The following MASP1 variants were observed in gnomAD, a reference collection of about 807,000 sequenced individuals.
MASP1 encodes the protein mannan-binding lectin serine protease 1.
A neutral mutation model predicts 77.1 loss-of-function variants in MASP1; 59 were observed. That is an observed-to-expected ratio of 0.77 (90% confidence interval 0.62 to 0.95). MASP1 has a LOEUF of 0.95. Among genes scored for constraint, MASP1 ranks in the 40% least tolerant of loss-of-function variants. The pLI is 0.00. For synonymous variants in MASP1, 362 were observed against 354.5 expected (o/e 1.02, Z -0.24); for missense variants, 885 against 912.9 (o/e 0.97, Z 0.39).
rs147758911 is a variant in MASP1 at position 187,236,456 on chromosome 3, G to A, written c.1415C>T (p.Thr472Ile). ...PWQALIVVEDTSRVPNDKWFG... is the reference protein window; with the variant it reads ...PWQALIVVEDISRVPNDKWFG... ...CCACTTGTCATTTGGCACTCTCGAA[G>A]TGTCCTCCACCACTATCAGGGCCTG... The change falls in exon 11 of 11, where the codon ACT (threonine) becomes ATT (isoleucine). Residue 472 changes from threonine to isoleucine, a missense_variant. By Grantham distance (89) the Thr-to-Ile change is moderately conservative. Transcript: ENST00000296280. 3 of 1,614,182 alleles carry A rather than the reference G, an allele frequency of 1.9e-6. No individual in the cohort carries two copies. Among genetic ancestry groups the A allele is most frequent in the Non-Finnish European group, 2.5e-6 (3 of 1,180,038 alleles).
rs1186374518 is a variant in MASP1, at chr3:187,256,824, C to A, written c.584G>T (p.Gly195Val). The A allele has an allele frequency of 1.9e-6, 3 of 1,613,824 alleles. No individual in the cohort carries two copies. The African/African-American group carries it at 4.0e-5, about 22-fold the overall frequency. Residue 195 changes from glycine (G) to valine (V), a missense_variant, in exon 5 of 11, where the codon GGG becomes GTG. Gly to Val is a moderately radical substitution (Grantham distance 109, BLOSUM62 -3). Transcript: ENST00000296280. ...TGGGAAGTCAGGGCTGGTGATCACCCCAGTCCTTTGAGTGAAGAGGTTGTC... is the reference window on the plus strand; with the variant it reads ...TGGGAAGTCAGGGCTGGTGATCACCACAGTCCTTTGAGTGAAGAGGTTGTC... ...CSDNLFTQRTGVITSPDFPNP... is the reference protein window; with the variant it reads ...CSDNLFTQRTVVITSPDFPNP...
At chr3:187,225,983 AG>A (rs1456503471) in intron 12 of MASP1, among the ~76,000 whole-genome samples, 1 of 152,222 alleles carries the variant, frequency 6.6e-6, no homozygotes, top group Admixed American at 6.5e-5. Context: ...GGCAGAAACT[AG>A]GTCTTAATCA....
intron 4 of MASP1, among the ~76,000 whole-genome samples, chr3:187,258,865 G>C (rs1399941976): frequency 6.6e-6 from 1 of 152,172 alleles, no homozygotes; most frequent in Admixed American, 6.5e-5. Flanking sequence ...TCCAGCATGA[G>C]CAACCCTGGA....
chr3:187,260,913 T>G (rs746565672), intron 3 of MASP1, 41 bp from the exon 4 acceptor site: 1 of 1,613,336 alleles, frequency 6.2e-7, no homozygotes, highest in East Asian at 2.2e-5. Context: ...ACATGCATGA[T>G]GATGAAGACT....
At chr3:187,229,524 GCC>G (rs569060958), downstream of MASP1, among the ~76,000 whole-genome samples, 17 of 152,306 alleles carry the variant, frequency 1.1e-4, no homozygotes, top group Middle Eastern at 3.4e-3. Context: ...GCCCTGGCAT[GCC>G]CTGTCTTTGA....
intron 6 of MASP1, among the ~76,000 whole-genome samples, chr3:187,252,711 G>A (rs952831653): frequency 4.6e-5 from 7 of 152,078 alleles, no homozygotes; most frequent in Admixed American, 3.3e-4. Context: ...TGGGGGATGG[G>A]GGCATGAGAC....
At chr3:187,282,510 AAAG>A (rs1553785752) in intron 2 of MASP1, among the ~76,000 whole-genome samples, 6 of 131,478 alleles carry the variant, frequency 4.6e-5, no homozygotes, top group South Asian at 2.6e-4. Flanking sequence ...AAAAAAAAAA[AAAG>A]AAGAAGAAGA....
chr3:187,232,115 G>A (rs930027731), downstream of MASP1, among the ~76,000 whole-genome samples: 2 of 152,154 alleles, frequency 1.3e-5, no homozygotes, highest in African/African-American at 4.8e-5. Flanking sequence ...CCATCCTGGA[G>A]TCCTTTATTG....
intron 6 of MASP1, among the ~76,000 whole-genome samples, chr3:187,252,036 T>A (rs1437173822): frequency 6.6e-6 from 1 of 152,210 alleles, no homozygotes; most frequent in Non-Finnish European, 1.5e-5. Flanking sequence ...AATCCAATCC[T>A]TGTCTGATGC....
chr3:187,243,843 C>G (rs778583539), intron 8 of MASP1: 130 of 601,280 alleles, frequency 2.2e-4, no homozygotes, highest in Middle Eastern at 9.1e-4. Flanking sequence ...TATGGTACTA[C>G]TGTGTGGTCA....
rs1251382495 is a variant in MASP1, at chr3:187,260,938, T to C, written c.416-66A>G. ...TGATGAAGACTACAGCCAACATTTATAGAGCACTTGATATGGGCCACTCAC... is the reference window on the plus strand; with the variant it reads ...TGATGAAGACTACAGCCAACATTTACAGAGCACTTGATATGGGCCACTCAC... On this transcript the variant is annotated intron_variant, in intron 3 of 10. Coordinates refer to ENST00000296280, the MANE Select transcript of MASP1 (RefSeq NM_139125.4). 1.9e-6 allele frequency: 3 copies of C among 1,590,858 alleles called. No homozygotes were observed. The East Asian group carries it at 6.7e-5, about 36-fold the overall frequency.
At chr3:187,278,435 T>A (rs1262256816) in intron 2 of MASP1, among the ~76,000 whole-genome samples, 7 of 152,236 alleles carry the variant, frequency 4.6e-5, no homozygotes, top group Non-Finnish European at 5.9e-5. Flanking sequence ...GGTTCCTCAC[T>A]CAGATGGTGG....
Position 187,256,831 on chromosome 3 carries a change from T to G in MASP1, c.577A>C (p.Arg193=), listed in dbSNP as rs1332705948. 3.1e-6 allele frequency: 5 copies of G among 1,613,996 alleles called. No individual in the cohort carries two copies. The highest frequency in any genetic ancestry group is 4.2e-6 in the Non-Finnish European group (5 of 1,179,998). Residue 193 remains arginine, a synonymous_variant, in exon 5 of 11, where the codon AGG becomes CGG. Transcript: ENST00000296280. The part of the protein sequence containing the change: ...VECSDNLFTQ[R]TGVITSPDFP... ...TCAGGGCTGGTGATCACCCCAGTCCTTTGAGTGAAGAGGTTGTCACTGCAC... is the reference window on the plus strand; with the variant it reads ...TCAGGGCTGGTGATCACCCCAGTCCGTTGAGTGAAGAGGTTGTCACTGCAC...
chr3:187,219,172 T>G (rs1040633565), exon 16 of MASP1: 7 of 152,216 alleles, frequency 4.6e-5, no homozygotes, highest in African/African-American at 1.7e-4. Context: ...TTGAACCGAT[T>G]GTAATTTTTG....
At chr3:187,270,050 T>A (rs1443615192) in intron 2 of MASP1, among the ~76,000 whole-genome samples, 6 of 152,250 alleles carry the variant, frequency 3.9e-5, no homozygotes, top group Admixed American at 3.9e-4. Context: ...TTGCAAAAAT[T>A]ATTCACAATA....
chr3:187,241,893 A>C (rs1713676578), intron 9 of MASP1: 1 of 307,498 alleles, frequency 3.3e-6, no homozygotes, highest in Non-Finnish European at 6.3e-6. Flanking sequence ...GTCCTTTCTC[A>C]GCTCAGAATC....
chr3:187,265,333 C>A (rs1045582744), intron 2 of MASP1, among the ~76,000 whole-genome samples: 1 of 152,148 alleles, frequency 6.6e-6, no homozygotes, highest in Non-Finnish European at 1.5e-5. Context: ...ACACACTGGT[C>A]ATTTGGATTA....
rs1312688964 is a variant in MASP1, at chr3:187,260,773, T to A, written c.515A>T (p.Tyr172Phe). The part of the protein sequence containing the change: ...GGYYCSCRFG[Y>F]ILHTDNRTCR... ...GGTCCTGTTGTCTGTGTGGAGGATG[T>A]AGCCGAAGCGGCAGGAGCAGTAGTA... Residue 172 changes from tyrosine (Y) to phenylalanine (F), a missense_variant, in exon 4 of 11, where the codon TAC (tyrosine) becomes TTC (phenylalanine). Physicochemically the swap from Tyr to Phe is conservative, Grantham distance 22. Coordinates refer to ENST00000296280, the MANE Select transcript of MASP1 (RefSeq NM_139125.4). 1.2e-6 allele frequency: 2 copies of A among 1,614,210 alleles called. No homozygotes were observed. The highest frequency in any genetic ancestry group is 1.7e-6 in the Non-Finnish European group (2 of 1,180,034).
In MASP1 at chr3:187,235,843, C is replaced by T; in HGVS notation, c.2028G>A (p.Gln676=). The T allele has an allele frequency of 6.2e-7, 1 of 1,614,254 alleles. No homozygotes were observed. Among genetic ancestry groups the T allele is most frequent in the Non-Finnish European group, 8.5e-7 (1 of 1,180,046 alleles). The change falls in exon 11 of 11, where the codon CAG becomes CAA. Residue 676 remains glutamine, a synonymous_variant. Coordinates refer to ENST00000296280, the MANE Select transcript of MASP1 (RefSeq NM_139125.4). Reference sequence around the variant, plus strand: ...ACACCAGGCCTTGCACCACCCAGCGCTGGCTCAAGTCATCAAAGATGACAA... The same window carrying T: ...ACACCAGGCCTTGCACCACCCAGCGTTGGCTCAAGTCATCAAAGATGACAA... ...GAFVIFDDLS[Q]RWVVQGLVSW...
Sources: gnomAD v4.1 joint callset for allele counts (sites outside exome capture counted in the v4.1 genomes callset) on GRCh38, gnomAD v4.1.1 for gene constraint, MANE v1.5 for transcripts, NCBI Gene and HGNC (gene_info 2026-07-23, HGNC 2026-07-21) for gene names.